The following PTPRR variants were observed in gnomAD, a reference collection of about 807,000 sequenced individuals.
PTPRR encodes the protein receptor-type tyrosine-protein phosphatase R.
PTPRR carries 38 observed loss-of-function variants against 77.2 expected under a neutral mutation model. The ratio of observed to expected loss-of-function variants is 0.49; its 90% CI spans 0.38 to 0.65. The LOEUF (loss-of-function observed/expected upper bound fraction) is 0.65, where lower values mean the gene tolerates loss of function less well. Among genes scored for constraint, PTPRR ranks in the 30% least tolerant of loss-of-function variants. PTPRR has a pLI of 0.00. For missense variants in PTPRR, 744 were observed against 799.2 expected (o/e 0.93, Z 0.83); for synonymous variants, 299 against 283.1 (o/e 1.06, Z -0.57).
chr12:70,855,109 AT>A (rs1475970960), intron 2 of PTPRR, among the ~76,000 whole-genome samples: 2 of 152,194 alleles, frequency 1.3e-5, no homozygotes, highest in African/African-American at 4.8e-5. Context: ...CTGCTGCTGA[AT>A]TTAGTCTGGT....
At chr12:70,810,976 G>GA (rs1327721114) in intron 2 of PTPRR, among the ~76,000 whole-genome samples, 2 of 152,170 alleles carry the variant, frequency 1.3e-5, no homozygotes, top group African/African-American at 4.8e-5. Flanking sequence ...GCATGTTAGT[G>GA]AATGTGCAGT....
chr12:70,835,589 G>T (rs952774426), intron 2 of PTPRR, among the ~76,000 whole-genome samples: 2 of 152,004 alleles, frequency 1.3e-5, no homozygotes, highest in Non-Finnish European at 2.9e-5. Context: ...ATTAAAAACT[G>T]ACTCTAAAGT....
chr12:70,802,549 T>G (rs1891636275), intron 2 of PTPRR, among the ~76,000 whole-genome samples: 1 of 152,228 alleles, frequency 6.6e-6, no homozygotes, highest in Non-Finnish European at 1.5e-5. Flanking sequence ...TGTTAGATAA[T>G]AATTAAGAAA....
At chr12:70,854,598 G>A (rs560122543) in intron 2 of PTPRR, among the ~76,000 whole-genome samples, 1 of 152,298 alleles carries the variant, frequency 6.6e-6, no homozygotes, top group African/African-American at 2.4e-5. Flanking sequence ...TGATGCTAAT[G>A]ATCTATTTTC....
intron 2 of PTPRR, among the ~76,000 whole-genome samples, chr12:70,854,997 A>C (rs1892629143): frequency 6.6e-6 from 1 of 152,158 alleles, no homozygotes; most frequent in South Asian, 2.1e-4. Context: ...TAAACAAATG[A>C]CATAATAGGG....
chr12:70,652,848 T>C (rs1467458976), intron 13 of PTPRR, among the ~76,000 whole-genome samples: 1 of 152,118 alleles, frequency 6.6e-6, no homozygotes, highest in East Asian at 1.9e-4. Context: ...GGAATGTGAC[T>C]GGGAAGTGGA....
chr12:70,764,096 AC>A (rs1890756674), intron 3 of PTPRR, among the ~76,000 whole-genome samples: 1 of 145,766 alleles, frequency 6.9e-6, no homozygotes, highest in Non-Finnish European at 1.5e-5. Context: ...CCTGCATTCC[AC>A]CTGGGCTGCA....
intron 6 of PTPRR, among the ~76,000 whole-genome samples, chr12:70,745,255 T>C (rs1243620638): frequency 1.7e-4 from 26 of 152,176 alleles, no homozygotes; most frequent in Non-Finnish European, 8.8e-5. Context: ...CTTGAACTCC[T>C]GGCCTCAAGT....
At chr12:70,672,796 A>C in intron 10 of PTPRR, 1 of 1,563,448 alleles carries the variant, frequency 6.4e-7, no homozygotes. Flanking sequence ...TGTCTTTCTC[A>C]AGAAGGGAGA....
intron 2 of PTPRR, among the ~76,000 whole-genome samples, chr12:70,854,954 T>G (rs923280024): frequency 6.6e-5 from 10 of 152,334 alleles, no homozygotes; most frequent in Middle Eastern, 3.4e-3. Context: ...AGGCAGGGGT[T>G]GCAAACTCAA....
At chr12:70,783,184 C>A (rs1442659557) in intron 2 of PTPRR, among the ~76,000 whole-genome samples, 4 of 150,806 alleles carry the variant, frequency 2.7e-5, no homozygotes, top group Admixed American at 6.6e-5. Flanking sequence ...CAAAGATGAG[C>A]TTTATTAAGT....
chr12:70,808,172 C>A (rs1324250639), intron 2 of PTPRR, among the ~76,000 whole-genome samples: 1 of 152,074 alleles, frequency 6.6e-6, no homozygotes, highest in African/African-American at 2.4e-5. Context: ...CCTGCAGCAC[C>A]CCCAGGCTTG....
chr12:70,879,394 TAAA>T (rs75616879), intron 2 of PTPRR, among the ~76,000 whole-genome samples: 10 of 140,284 alleles, frequency 7.1e-5, no homozygotes, highest in Admixed American at 2.1e-4. Context: ...GATCCTATTG[TAAA>T]AAAAAAAAAA....
intron 10 of PTPRR, among the ~76,000 whole-genome samples, chr12:70,679,521 C>T (rs1887577429): frequency 6.6e-6 from 1 of 152,084 alleles, no homozygotes. Context: ...ATATAGCAGT[C>T]TATTTCTTTC....
chr12:70,783,991 G>A (rs1251262793), intron 2 of PTPRR, among the ~76,000 whole-genome samples: 1 of 152,124 alleles, frequency 6.6e-6, no homozygotes, highest in Non-Finnish European at 1.5e-5. Context: ...GGTGCCCGGA[G>A]TAGGGAGAAG....
intron 1 of PTPRR, among the ~76,000 whole-genome samples, chr12:70,902,804 G>C (rs915355550): frequency 6.6e-6 from 1 of 151,404 alleles, no homozygotes. Flanking sequence ...TTGGGTGATG[G>C]GTGCACCAAA....
rs570925629 is a variant in PTPRR, at chr12:70,909,372, G to C, written c.58+10961C>G. The stretch of plus-strand genomic sequence containing the variant: ...AATTGGAGTATGCAAATTGTGCACA[G>C]GCATGAAGAATCACTGTCCAGATCC... On this transcript the variant is annotated intron_variant, in intron 1 of 13. Transcript: ENST00000283228. Among the ~76,000 whole-genome samples, 6 of 152,274 alleles carry C rather than the reference G, an allele frequency of 3.9e-5. No homozygotes were observed. The South Asian group carries it at 1.2e-3, about 32-fold the overall frequency.
intron 2 of PTPRR, among the ~76,000 whole-genome samples, chr12:70,769,173 G>C (rs1408322296): frequency 1.4e-5 from 2 of 145,806 alleles, no homozygotes; most frequent in Non-Finnish European, 3.0e-5. Flanking sequence ...AATTAGGCAG[G>C]AGAAGGAAAT....
At chr12:70,664,036 C>T (rs1778524740) in intron 10 of PTPRR, among the ~76,000 whole-genome samples, 1 of 152,198 alleles carries the variant, frequency 6.6e-6, no homozygotes, top group African/African-American at 2.4e-5. Context: ...TACAAGCTAG[C>T]ACAGCGAAGG....
Sources: gnomAD v4.1 joint callset for allele counts (sites outside exome capture counted in the v4.1 genomes callset) on GRCh38, gnomAD v4.1.1 for gene constraint, MANE v1.5 for transcripts, NCBI Gene and HGNC (gene_info 2026-07-23, HGNC 2026-07-21) for gene names.